The following GPR137B variants were observed in gnomAD, a reference collection of about 807,000 sequenced individuals.
GPR137B encodes the protein G protein-coupled receptor 137B.
Under a neutral mutation model 42.5 loss-of-function variants are expected in GPR137B, and 42 were observed. The observed-to-expected ratio is 0.99, with a 90% CI of 0.77 to 1.28. The LOEUF (loss-of-function observed/expected upper bound fraction) is 1.28, where lower values mean the gene tolerates loss of function less well. Ranked by LOEUF, GPR137B falls within the 50% of genes most tolerant of loss-of-function variation. The pLI is 0.00. For missense variants in GPR137B, 487 were observed against 493.9 expected (o/e 0.99, Z 0.13); for synonymous variants, 218 against 209.7 (o/e 1.04, Z -0.34).
intron 2 of GPR137B, among the ~76,000 whole-genome samples, chr1:236,170,066 A>G (rs1423366799): frequency 1.4e-5 from 2 of 144,006 alleles, no homozygotes; most frequent in African/African-American, 5.3e-5. Context: ...AAAAAAAAAG[A>G]ATGGTCAGGT....
At chr1:236,207,232 A>C in intron 6 of GPR137B, 1 of 985,350 alleles carries the variant, frequency 1.0e-6, no homozygotes, top group Non-Finnish European at 1.2e-6. Flanking sequence ...TGTCGCTGAG[A>C]AAAAAGAAGA....
chr1:236,205,875 T>C (rs1663645395), intron 6 of GPR137B, among the ~76,000 whole-genome samples: 1 of 152,210 alleles, frequency 6.6e-6, no homozygotes, highest in Non-Finnish European at 1.5e-5. Flanking sequence ...CGAGCGAGCC[T>C]GTAATATGCT....
At chr1:236,182,862 T>C (rs557273668) in intron 4 of GPR137B, among the ~76,000 whole-genome samples, 14 of 152,288 alleles carry the variant, frequency 9.2e-5, no homozygotes, top group Admixed American at 8.5e-4. Flanking sequence ...GCCACCAAAA[T>C]AATCTAGGAG....
At chr1:236,191,308 TTTA>T (rs1384806525) in intron 5 of GPR137B, among the ~76,000 whole-genome samples, 1 of 151,992 alleles carries the variant, frequency 6.6e-6, no homozygotes, top group Non-Finnish European at 1.5e-5. Context: ...CTCGGAGGAG[TTTA>T]TTATTACCCA....
chr1:236,208,002 C>A, intron 6 of GPR137B, 48 bp from the exon 7 acceptor site: 2 of 1,345,178 alleles, frequency 1.5e-6, no homozygotes, highest in South Asian at 1.2e-5. Context: ...CTATGTCATA[C>A]ATACTATATA....
chr1:236,178,647 A>G lies in GPR137B; in HGVS notation c.687+11A>G. Reference sequence around the variant, plus strand: ...TACTTGGAGTCCAAGGTAGGTGGAAATGTGGTCAAGATCCCTCCCATGAAA... The same window carrying G: ...TACTTGGAGTCCAAGGTAGGTGGAAGTGTGGTCAAGATCCCTCCCATGAAA... On this transcript the variant is annotated intron_variant, in intron 3 of 6. Transcript: ENST00000366592. The G allele has an allele frequency of 6.6e-7, 1 of 1,523,434 alleles. No homozygotes were observed. The allele number at this position is 1,523,434 out of a possible 1,614,324, so 94.4% of individuals were successfully genotyped here. A position where few individuals can be genotyped will look rare whatever the true frequency, so the allele number is the denominator to read the frequency against.
chr1:236,168,888 T>TGCCC (rs1230123275), intron 2 of GPR137B, 133 bp downstream of exon 2: 2 of 719,648 alleles, frequency 2.8e-6, no homozygotes, highest in African/African-American at 3.4e-5. Flanking sequence ...GCTGGCTGGC[T>TGCCC]GCCCACATTG....
At chr1:236,162,494 T>A (rs1662230222) in intron 1 of GPR137B, among the ~76,000 whole-genome samples, 1 of 152,150 alleles carries the variant, frequency 6.6e-6, no homozygotes, top group African/African-American at 2.4e-5. Context: ...ATGGGGAAAA[T>A]GTCCCCAGGC....
At chr1:236,198,798 T>C (rs377693315) in intron 5 of GPR137B, among the ~76,000 whole-genome samples, 2 of 152,318 alleles carry the variant, frequency 1.3e-5, no homozygotes, top group East Asian at 3.9e-4. Context: ...TTAGGAGCTT[T>C]TAGGATAAGT....
At chr1:236,205,847 A>C (rs902917274) in intron 6 of GPR137B, among the ~76,000 whole-genome samples, 1 of 152,206 alleles carries the variant, frequency 6.6e-6, no homozygotes, top group Non-Finnish European at 1.5e-5. Context: ...GCCAGAAAAA[A>C]AACTTTTTAG....
At chr1:236,205,079 A>G (rs1174238921) in intron 5 of GPR137B, 47 bp from the exon 6 acceptor site, 2 of 1,538,060 alleles carry the variant, frequency 1.3e-6, no homozygotes, top group Non-Finnish European at 1.8e-6. Context: ...TGTCTGGTGC[A>G]AGGCATGATG....
intron 6 of GPR137B, among the ~76,000 whole-genome samples, chr1:236,206,713 G>A (rs1663673561): frequency 6.6e-6 from 1 of 152,228 alleles, no homozygotes; most frequent in South Asian, 2.1e-4. Flanking sequence ...CTGCAAACAG[G>A]AAGGGTAGTT....
At chr1:236,182,217 A>T (rs1662906756) in intron 4 of GPR137B, among the ~76,000 whole-genome samples, 1 of 152,136 alleles carries the variant, frequency 6.6e-6, no homozygotes, top group South Asian at 2.1e-4. Flanking sequence ...TTAAGTGTAC[A>T]GTTCACTGGT....
chr1:236,152,736 A>G (rs1243861051), intron 1 of GPR137B, among the ~76,000 whole-genome samples: 1 of 151,854 alleles, frequency 6.6e-6, no homozygotes, highest in East Asian at 1.9e-4. Flanking sequence ...CCTGGGTGAC[A>G]AGAGTGAAAC....
In GPR137B at chr1:236,208,067, A is replaced by ATGAT. The variant is rs2102929906; in HGVS notation, c.1112_1115dup (p.Trp372Ter). 1.9e-6 allele frequency: 3 copies of ATGAT among 1,612,600 alleles called. No homozygotes were observed. The highest frequency in any genetic ancestry group is 1.7e-6 in the Non-Finnish European group (2 of 1,178,696). ...TTTTTAAGTTTTGCTCCAGATTACT[A>ATGAT]TGATTGGGGACAACAAACTAACAGC... On this transcript the variant is annotated frameshift_variant, in exon 7 of 7. Transcript: ENST00000366592. LOFTEE classifies it high-confidence loss of function.
intron 5 of GPR137B, among the ~76,000 whole-genome samples, chr1:236,192,453 C>A (rs1572002486): frequency 6.6e-6 from 1 of 151,978 alleles, no homozygotes; most frequent in Non-Finnish European, 1.5e-5. Flanking sequence ...GTGCTTGAAA[C>A]CTAGGGCCCT....
chr1:236,143,182 C>A, intron 1 of GPR137B, 146 bp downstream of exon 1: 1 of 668,850 alleles, frequency 1.5e-6, no homozygotes, highest in Non-Finnish European at 2.6e-6. Context: ...TGGGGTCGTC[C>A]GAACCCTGTC....
At chr1:236,187,602 CTTGT>C (rs1663070151) in intron 5 of GPR137B, among the ~76,000 whole-genome samples, 1 of 152,080 alleles carries the variant, frequency 6.6e-6, no homozygotes, top group Non-Finnish European at 1.5e-5. Flanking sequence ...TTCCCCATTG[CTTGT>C]TTGTGTCAGG....
At chr1:236,204,905 C>G (rs748347877) in intron 5 of GPR137B, among the ~76,000 whole-genome samples, 1 of 152,154 alleles carries the variant, frequency 6.6e-6, no homozygotes, top group Non-Finnish European at 1.5e-5. Context: ...CTCACTGTTG[C>G]AAGCAAGACT....
Sources: allele counts gnomAD v4.1 joint callset (sites outside exome capture counted in the v4.1 genomes callset), GRCh38; gene constraint gnomAD v4.1.1; transcripts MANE v1.5; gene names NCBI Gene and HGNC (gene_info 2026-07-23, HGNC 2026-07-21).